The following AGBL4 variants were observed in gnomAD, a reference collection of about 807,000 sequenced individuals.
AGBL4 encodes the protein AGBL carboxypeptidase 4.
A neutral mutation model predicts 66.4 loss-of-function variants in AGBL4; 58 were observed. The observed-to-expected ratio is 0.87, with a 90% CI of 0.71 to 1.09. The LOEUF is 1.09. Among genes scored for constraint, AGBL4 ranks in the 50% least tolerant of loss-of-function variants. The probability of loss-of-function intolerance (pLI) is 0.00; values close to 1 mark genes in which losing one functional copy is unlikely to be tolerated. For synonymous variants in AGBL4, 234 were observed against 222.9 expected (o/e 1.05, Z -0.44); for missense variants, 579 against 631.0 (o/e 0.92, Z 0.88).
intron 3 of AGBL4, among the ~76,000 whole-genome samples, chr1:49,512,409 G>C (rs1649352438): frequency 6.6e-6 from 1 of 151,972 alleles, no homozygotes; most frequent in Admixed American, 6.6e-5. Context: ...CTCCTGAACT[G>C]TAATCCCTAA....
chr1:49,757,911 T>C (rs759673231), intron 2 of AGBL4, among the ~76,000 whole-genome samples: 8 of 152,190 alleles, frequency 5.3e-5, no homozygotes, highest in Non-Finnish European at 1.2e-4. Context: ...TGAATGTTAA[T>C]TGATAAGACT....
intron 1 of AGBL4, among the ~76,000 whole-genome samples, chr1:49,869,992 A>G (rs533396586): frequency 6.6e-6 from 1 of 152,186 alleles, no homozygotes; most frequent in Admixed American, 6.5e-5. Flanking sequence ...TGAAATGATA[A>G]ATGTTTGAGG....
intron 4 of AGBL4, among the ~76,000 whole-genome samples, chr1:49,167,086 A>T (rs1228585047): frequency 6.6e-6 from 1 of 152,164 alleles, no homozygotes; most frequent in Non-Finnish European, 1.5e-5. Context: ...TAGTTTTCCT[A>T]CAAAAAGCTT....
At chr1:49,379,224 A>G (rs1199619854) in intron 3 of AGBL4, among the ~76,000 whole-genome samples, 1 of 152,150 alleles carries the variant, frequency 6.6e-6, no homozygotes, top group Admixed American at 6.6e-5. Flanking sequence ...CTGATCTTCT[A>G]TCATTCCCCA....
chr1:48,892,529 T>C (rs1185957383), intron 5 of AGBL4, among the ~76,000 whole-genome samples: 1 of 152,118 alleles, frequency 6.6e-6, no homozygotes. Context: ...TCAACATATG[T>C]AAAATGAACA....
At chr1:49,504,755 T>C (rs545874079) in intron 3 of AGBL4, among the ~76,000 whole-genome samples, 4 of 152,036 alleles carry the variant, frequency 2.6e-5, no homozygotes, top group Non-Finnish European at 4.4e-5. Context: ...GAATCTCTTA[T>C]AGGCAGAATA....
At chr1:49,696,321 T>C (rs1324988013) in intron 3 of AGBL4, among the ~76,000 whole-genome samples, 2 of 151,170 alleles carry the variant, frequency 1.3e-5, no homozygotes, top group Non-Finnish European at 2.9e-5. Context: ...ATCAATACTG[T>C]CTCTCATGAA....
At chr1:49,566,421 T>C (rs988110021) in intron 3 of AGBL4, among the ~76,000 whole-genome samples, 3 of 152,138 alleles carry the variant, frequency 2.0e-5, no homozygotes, top group African/African-American at 7.2e-5. Flanking sequence ...TTCCCCATCT[T>C]TGTGGTTTTA....
At chr1:48,693,614 A>G (rs1356152357) in intron 6 of AGBL4, among the ~76,000 whole-genome samples, 2 of 151,986 alleles carry the variant, frequency 1.3e-5, no homozygotes, top group African/African-American at 4.8e-5. Flanking sequence ...CCAGATGGGC[A>G]CTCTGCTGGG....
At chr1:49,003,724 T>C (rs927199691) in intron 5 of AGBL4, among the ~76,000 whole-genome samples, 9 of 152,218 alleles carry the variant, frequency 5.9e-5, no homozygotes, top group Non-Finnish European at 7.3e-5. Flanking sequence ...TTAGGGTAGA[T>C]ACAGCTGTTG....
chr1:49,939,217 G>C (rs1654470897), intron 1 of AGBL4, among the ~76,000 whole-genome samples: 1 of 151,030 alleles, frequency 6.6e-6, no homozygotes, highest in Non-Finnish European at 1.5e-5. Flanking sequence ...ACAAACAAAT[G>C]GAAGAACATT....
At chr1:49,254,828 T>A (rs146482340) in intron 3 of AGBL4, among the ~76,000 whole-genome samples, 1 of 152,076 alleles carries the variant, frequency 6.6e-6, no homozygotes, top group Non-Finnish European at 1.5e-5. Flanking sequence ...CATAGACCAA[T>A]GGAACAGAAT....
intron 9 of AGBL4, among the ~76,000 whole-genome samples, chr1:48,612,608 C>G (rs934766159): frequency 1.1e-4 from 17 of 152,112 alleles, no homozygotes; most frequent in African/African-American, 4.1e-4. Context: ...GAAACAATGA[C>G]CATTAACAAT....
intron 1 of AGBL4, among the ~76,000 whole-genome samples, chr1:49,934,842 G>A (rs865909640): frequency 2.7e-5 from 4 of 147,530 alleles, no homozygotes; most frequent in Non-Finnish European, 6.0e-5. Flanking sequence ...AAAAAAAATA[G>A]GAGAGGGCAG....
intron 2 of AGBL4, among the ~76,000 whole-genome samples, chr1:49,731,310 A>G (rs1649427929): frequency 6.6e-6 from 1 of 152,210 alleles, no homozygotes; most frequent in South Asian, 2.1e-4. Flanking sequence ...TGCCATCTTA[A>G]TTGCCCTAAA....
intron 3 of AGBL4, among the ~76,000 whole-genome samples, chr1:49,372,615 C>CTTTCTT (rs1557878298): frequency 4.5e-5 from 1 of 22,376 alleles, no homozygotes; most frequent in African/African-American, 2.0e-4. Flanking sequence ...CTTTTTCTTT[C>CTTTCTT]TTTCTTTCTT....
intron 1 of AGBL4, among the ~76,000 whole-genome samples, chr1:49,939,138 C>A (rs1654460049): frequency 6.6e-6 from 1 of 152,100 alleles, no homozygotes; most frequent in African/African-American, 2.4e-5. Context: ...AGGAATCCAA[C>A]TTACAACGGA....
At chr1:49,187,028 A>C (rs968983568) in intron 4 of AGBL4, among the ~76,000 whole-genome samples, 1 of 152,208 alleles carries the variant, frequency 6.6e-6, no homozygotes, top group Non-Finnish European at 1.5e-5. Context: ...GCATAGATCC[A>C]TGAAGAGGTC....
At chr1:50,014,779 C>T (rs1168967484) in intron 1 of AGBL4, among the ~76,000 whole-genome samples, 1 of 152,040 alleles carries the variant, frequency 6.6e-6, no homozygotes, top group South Asian at 2.1e-4. Flanking sequence ...CCTGCCTTGG[C>T]CTCCCAAAGT....
Sources: allele counts gnomAD v4.1 joint callset (sites outside exome capture counted in the v4.1 genomes callset), GRCh38; gene constraint gnomAD v4.1.1; transcripts MANE v1.5; gene names NCBI Gene and HGNC (gene_info 2026-07-23, HGNC 2026-07-21).